PRELID2: variants seen among roughly 807,000 people sequenced by gnomAD.
PRELID2 encodes the protein PRELI domain containing 2.
In PRELID2, 25 loss-of-function variants were observed where a neutral mutation model predicts 28.4. The ratio of observed to expected loss-of-function variants is 0.88; its 90% CI spans 0.64 to 1.23. The LOEUF (loss-of-function observed/expected upper bound fraction) is 1.23, where lower values mean the gene tolerates loss of function less well. Among genes scored for constraint, PRELID2 ranks in the 50% most tolerant of loss-of-function variants. The pLI, the probability that PRELID2 is intolerant of heterozygous loss-of-function variation, is 0.00. For synonymous variants in PRELID2, 76 were observed against 71.6 expected, an observed-to-expected ratio of 1.06 and a Z score of -0.31; for missense variants, 201 against 214.4, an observed-to-expected ratio of 0.94 and a Z score of 0.39.
the PRELID2 span, among the ~76,000 whole-genome samples, chr5:145,238,143 A>G: frequency 6.6e-6 from 1 of 152,100 alleles, no homozygotes; most frequent in Non-Finnish European, 1.5e-5. Flanking sequence ...CCTCCCTATT[A>G]GCTTGCTATG....
At chr5:145,578,729 A>C (rs1753083263) in intron 1 of PRELID2, among the ~76,000 whole-genome samples, 1 of 152,134 alleles carries the variant, frequency 6.6e-6, no homozygotes. Flanking sequence ...ACTGGGAATT[A>C]GTCTTAGTGG....
intron 5 of PRELID2, among the ~76,000 whole-genome samples, chr5:145,780,689 A>G (rs968444308): frequency 6.6e-6 from 1 of 152,230 alleles, no homozygotes; most frequent in Non-Finnish European, 1.5e-5. Flanking sequence ...TTTCAAATGT[A>G]TCAGGAAGTT....
the PRELID2 span, among the ~76,000 whole-genome samples, chr5:145,242,799 C>G: frequency 1.3e-5 from 2 of 151,912 alleles, no homozygotes; most frequent in Non-Finnish European, 2.9e-5. Flanking sequence ...CATTCCCCAC[C>G]CTAAAAGCAT....
chr5:145,578,343 T>C (rs754401362), intron 1 of PRELID2, among the ~76,000 whole-genome samples: 2 of 152,122 alleles, frequency 1.3e-5, no homozygotes, highest in Non-Finnish European at 2.9e-5. Flanking sequence ...GCTTTTAAAA[T>C]AACTTAGTAG....
At chr5:145,502,355 C>T (rs1007187721) in intron 1 of PRELID2, among the ~76,000 whole-genome samples, 2 of 152,144 alleles carry the variant, frequency 1.3e-5, no homozygotes, top group Non-Finnish European at 2.9e-5. Context: ...AAACCACCCT[C>T]ATAATCTAAT....
the PRELID2 span, among the ~76,000 whole-genome samples, chr5:145,261,595 A>G: frequency 2.0e-5 from 3 of 152,268 alleles, no homozygotes; most frequent in South Asian, 6.2e-4. Context: ...AAAAATAACA[A>G]TCACTGCAGT....
intron 1 of PRELID2, among the ~76,000 whole-genome samples, chr5:145,590,896 A>C (rs1215767798): frequency 2.0e-5 from 3 of 152,186 alleles, no homozygotes; most frequent in Admixed American, 2.0e-4. Context: ...TCATGGGAAT[A>C]TTGAATTGTT....
chr5:145,498,548 G>C (rs1245349985), intron 1 of PRELID2, among the ~76,000 whole-genome samples: 1 of 151,802 alleles, frequency 6.6e-6, no homozygotes, highest in Non-Finnish European at 1.5e-5. Flanking sequence ...TTGTTGTTTT[G>C]AGACAAAGTC....
At chr5:145,799,920 T>C (rs1231113411) in intron 4 of PRELID2, among the ~76,000 whole-genome samples, 1 of 152,212 alleles carries the variant, frequency 6.6e-6, no homozygotes, top group Non-Finnish European at 1.5e-5. Flanking sequence ...ATTTTCACCA[T>C]AGTGCTTACA....
At chr5:145,525,772 A>G (rs753502267) in intron 1 of PRELID2, among the ~76,000 whole-genome samples, 1 of 152,256 alleles carries the variant, frequency 6.6e-6, no homozygotes, top group Non-Finnish European at 1.5e-5. Context: ...CGAGAAACCA[A>G]TAACCATTTA....
the PRELID2 span, among the ~76,000 whole-genome samples, chr5:145,396,826 T>C: frequency 6.7e-6 from 1 of 149,260 alleles, no homozygotes; most frequent in Non-Finnish European, 1.5e-5. Flanking sequence ...GGATGAAGAC[T>C]AATTACTAAG....
intron 5 of PRELID2, among the ~76,000 whole-genome samples, chr5:145,786,162 A>G (rs1751981587): frequency 6.6e-6 from 1 of 152,228 alleles, no homozygotes; most frequent in Non-Finnish European, 1.5e-5. Context: ...ATCAATACCC[A>G]GTATATATCA....
At chr5:145,701,415 A>T (rs1371426321) in intron 1 of PRELID2, among the ~76,000 whole-genome samples, 1 of 152,262 alleles carries the variant, frequency 6.6e-6, no homozygotes, top group African/African-American at 2.4e-5. Flanking sequence ...GAAAAAAATT[A>T]ATGTAATTGC....
At chr5:145,418,339 AT>A in the PRELID2 span, among the ~76,000 whole-genome samples, 2 of 152,136 alleles carry the variant, frequency 1.3e-5, no homozygotes, top group South Asian at 2.1e-4. Flanking sequence ...CTTCAATACT[AT>A]TTTCATTGAA....
intron 1 of PRELID2, among the ~76,000 whole-genome samples, chr5:145,740,911 TACATATATTTATCGATAA>T (rs1756689585): frequency 3.5e-5 from 2 of 56,454 alleles, no homozygotes; most frequent in Non-Finnish European, 7.7e-5. Context: ...AATATATATG[TACATATATTTATCGATAA>T]ATATATATGT....
chr5:145,235,592 A>T, the PRELID2 span, among the ~76,000 whole-genome samples: 341 of 152,170 alleles, frequency 2.2e-3, 1 homozygote, highest in African/African-American at 8.0e-3. Context: ...TTGCTGAAAC[A>T]TTGGTTCACT....
At chr5:145,548,859 A>C (rs1459430924) in intron 1 of PRELID2, among the ~76,000 whole-genome samples, 1 of 152,200 alleles carries the variant, frequency 6.6e-6, no homozygotes, top group Non-Finnish European at 1.5e-5. Flanking sequence ...AATAAGGCCC[A>C]AGGCTCCTAA....
At chr5:145,317,741 G>A in the PRELID2 span, among the ~76,000 whole-genome samples, 2 of 152,096 alleles carry the variant, frequency 1.3e-5, no homozygotes, top group East Asian at 3.9e-4. Context: ...CTTCTATCAG[G>A]TGACTTTGTC....
chr5:145,655,659 C>T (rs1754380184), intron 1 of PRELID2, among the ~76,000 whole-genome samples: 2 of 152,172 alleles, frequency 1.3e-5, no homozygotes, highest in East Asian at 3.9e-4. Flanking sequence ...AAAGTATTCC[C>T]TATTTAATAA....
Sources: gnomAD v4.1 joint callset for allele counts (sites outside exome capture counted in the v4.1 genomes callset) on GRCh38, gnomAD v4.1.1 for gene constraint, MANE v1.5 for transcripts, NCBI Gene and HGNC (gene_info 2026-07-23, HGNC 2026-07-21) for gene names.